Variants in CRYBG1 observed in about 807,000 individuals in gnomAD.
The protein encoded by CRYBG1 is crystallin beta-gamma domain containing 1, also known as beta/gamma crystallin domain-containing protein 1.
A neutral mutation model predicts 189.2 loss-of-function variants in CRYBG1; 139 were observed. That is an observed-to-expected ratio of 0.73 (90% CI 0.64 to 0.85). CRYBG1 has a LOEUF of 0.85. Among genes scored for constraint, CRYBG1 ranks in the 40% least tolerant of loss-of-function variants. The pLI, the probability that CRYBG1 is intolerant of heterozygous loss-of-function variation, is 0.00. For missense variants in CRYBG1, 2,611 were observed against 2,675.8 expected, an observed-to-expected ratio of 0.98 and a Z score of 0.53; for synonymous variants, 1,023 against 1,017.1, an observed-to-expected ratio of 1.01 and a Z score of -0.11.
chr6:106,560,437 C>T (rs572562484), intron 18 of CRYBG1, among the ~76,000 whole-genome samples: 9 of 152,274 alleles, frequency 5.9e-5, no homozygotes, highest in African/African-American at 2.2e-4. Context: ...TTAGCACCTA[C>T]TAAGAGCTTT....
At chr6:106,371,946 A>G (rs1770046560) in intron 1 of CRYBG1, among the ~76,000 whole-genome samples, 1 of 152,200 alleles carries the variant, frequency 6.6e-6, no homozygotes, top group Non-Finnish European at 1.5e-5. Flanking sequence ...CCATGAGGAA[A>G]CAACCAGTCA....
At position 106,503,543 on chromosome 6, in the gene CRYBG1, A is replaced by G. The variant is rs114808723; in HGVS notation, c.313-7887A>G. On this transcript the variant is annotated intron_variant, in intron 2 of 21. Coordinates refer to ENST00000633556, the MANE Select transcript of CRYBG1 (RefSeq NM_001371242.2). Reference sequence around the variant, plus strand: ...ACTGAGCTACCTTTTAGAAAGCCTGACTTATGTCTTAGAAAAAATAATTCG... The same window carrying G: ...ACTGAGCTACCTTTTAGAAAGCCTGGCTTATGTCTTAGAAAAAATAATTCG... Among the ~76,000 whole-genome samples, 287 of 152,364 alleles carry G rather than the reference A, an allele frequency of 1.9e-3. 2 individuals carry two copies. Among genetic ancestry groups the G allele is most frequent in the African/African-American group, 6.8e-3 (281 of 41,588 alleles).
chr6:106,523,731 CTTTTT>C (rs748406134), intron 4 of CRYBG1, among the ~76,000 whole-genome samples: 1 of 137,400 alleles, frequency 7.3e-6, no homozygotes, highest in Non-Finnish European at 1.6e-5. Context: ...CCCTTATGGC[CTTTTT>C]TTTTTTTTTT....
intron 1 of CRYBG1, among the ~76,000 whole-genome samples, chr6:106,399,573 A>G (rs1162493172): frequency 1.3e-5 from 2 of 152,076 alleles, no homozygotes; most frequent in Non-Finnish European, 2.9e-5. Context: ...AACTTGCAGT[A>G]TTCTCTTATG....
intron 20 of CRYBG1, among the ~76,000 whole-genome samples, chr6:106,562,112 AAAAACAAAAC>A (rs983463810): frequency 1.3e-5 from 2 of 152,064 alleles, no homozygotes; most frequent in East Asian, 3.9e-4. Context: ...TTTTCTTTAA[AAAAACAAAAC>A]AAAACAAAAC....
intron 4 of CRYBG1, among the ~76,000 whole-genome samples, chr6:106,522,933 T>G: frequency 6.6e-6 from 1 of 152,184 alleles, no homozygotes; most frequent in East Asian, 1.9e-4. Context: ...CCCTTTATGT[T>G]TAAAAATGAT....
chr6:106,519,007 A>ACACACC lies in CRYBG1; in HGVS notation c.1923-123_1923-122insACACCC, dbSNP rs1554188433. The stretch of plus-strand genomic sequence containing the variant: ...CACACACACATACACACACACACAC[A>ACACACC]CCACACTCCAAATGTTATATATCAG... On this transcript the variant is annotated intron_variant, in intron 3 of 21. Transcript: ENST00000633556. 16 of 1,027,094 alleles carry ACACACC rather than the reference A, an allele frequency of 1.6e-5. No individual in the cohort carries two copies. In the African/African-American group the frequency reaches 2.6e-4, roughly 17 times the overall value. 63.6% of individuals were successfully genotyped at this position (1,027,094 alleles called of 1,614,324 possible).
rs572437549 is a variant in CRYBG1, at chr6:106,378,119, C to T, written c.173+17038C>T. ...AAGGCTTAGGGGAGCCCTGTCACCC[C>T]CCGGTCATCCCTCACACAGCTCTCA... On this transcript the variant is annotated intron_variant, in intron 1 of 21. Transcript: ENST00000633556. Among the ~76,000 whole-genome samples the T allele has an allele frequency of 1.2e-4, 18 of 152,120 alleles. 1 individual carries two copies. Among genetic ancestry groups the T allele is most frequent in the Admixed American group, 5.2e-4 (8 of 15,270 alleles).
rs754546900 is a variant in CRYBG1, at chr6:106,571,972, A to T, written c.*3406A>T. 5.7e-6 allele frequency: 9 copies of T among 1,574,280 alleles called. No individual in the cohort carries two copies. In the South Asian group the frequency reaches 1.0e-4, roughly 18 times the overall value. On this transcript the variant is annotated 3_prime_UTR_variant, in exon 22 of 22. Transcript: ENST00000633556. ...AGGCACTCACCAAATAAGAACGTCA[A>T]CAATCACTAAACTGCATTTTTATTT... is the stretch of plus-strand genomic sequence containing the variant.
chr6:106,514,040 A>G (rs1229209935), intron 3 of CRYBG1, among the ~76,000 whole-genome samples: 2 of 152,242 alleles, frequency 1.3e-5, no homozygotes, highest in Admixed American at 6.5e-5. Flanking sequence ...ATACAAGATG[A>G]TATCTGATGA....
In CRYBG1 at chr6:106,522,027, C is replaced by A. The variant is rs114835781; in HGVS notation, c.4245+574C>A. Among the ~76,000 whole-genome samples, 685 of 152,250 alleles carry A rather than the reference C, an allele frequency of 4.5e-3. 8 individuals are homozygous for A. Among genetic ancestry groups the A allele is most frequent in the African/African-American group, 0.016 (661 of 41,516 alleles). On this transcript the variant is annotated intron_variant, in intron 4 of 21. Coordinates refer to ENST00000633556, the MANE Select transcript of CRYBG1 (RefSeq NM_001371242.2). ...CGATTACAGGTGTGAGCCATCCTGA[C>A]TGGCTGGCAATAAATCTTTTAAGGC... is the stretch of plus-strand genomic sequence containing the variant.
At chr6:106,390,948 AT>A (rs1285710785) in intron 1 of CRYBG1, among the ~76,000 whole-genome samples, 2 of 152,196 alleles carry the variant, frequency 1.3e-5, no homozygotes, top group African/African-American at 2.4e-5. Flanking sequence ...CAGAATTTGA[AT>A]TGCTGGGACA....
chr6:106,395,578 T>C (rs76755731), intron 1 of CRYBG1, among the ~76,000 whole-genome samples: 12,268 of 152,190 alleles, frequency 0.081, 639 homozygotes, highest in East Asian at 0.15. Context: ...TATTTTTGTT[T>C]AATTCTGTTT....
At chr6:106,456,805 C>T (rs1268580681) in intron 2 of CRYBG1, among the ~76,000 whole-genome samples, 1 of 152,160 alleles carries the variant, frequency 6.6e-6, no homozygotes, top group Non-Finnish European at 1.5e-5. Context: ...TAAACCAAAA[C>T]TAAAATATAA....
At chr6:106,567,740 T>G (rs1201289543) in intron 21 of CRYBG1, among the ~76,000 whole-genome samples, 1 of 152,186 alleles carries the variant, frequency 6.6e-6, no homozygotes, top group Non-Finnish European at 1.5e-5. Flanking sequence ...AAAGAAGCCA[T>G]GAGGCTGTTT....
chr6:106,395,522 G>T (rs1770587447), intron 1 of CRYBG1, among the ~76,000 whole-genome samples: 1 of 151,566 alleles, frequency 6.6e-6, no homozygotes. Context: ...ATATCTTCTA[G>T]ATATTGCTTT....
chr6:106,361,051 A>G lies in CRYBG1; in HGVS notation c.143A>G (p.His48Arg), dbSNP rs1771857389. ...APPDCGVFVP[H>R]PLPAPAGEAR... ...CCTGACTGTGGGGTGTTCGTTCCGCACCCGCTCCCGGCGCCTGCCGGAGAG... is the reference window on the plus strand; with the variant it reads ...CCTGACTGTGGGGTGTTCGTTCCGCGCCCGCTCCCGGCGCCTGCCGGAGAG... The change falls in exon 1 of 22, where the codon CAC (histidine) becomes CGC (arginine). Residue 48 changes from histidine (H) to arginine (R), a missense_variant. Physicochemically the swap from His to Arg is conservative, Grantham distance 29. This residue lies in a region of CRYBG1 where 985 missense variants were observed against 924.4 expected (regional missense o/e 1.07). Coordinates refer to ENST00000633556, the MANE Select transcript of CRYBG1 (RefSeq NM_001371242.2). The G allele has an allele frequency of 1.3e-6, 2 of 1,533,846 alleles. No homozygotes were observed. Among genetic ancestry groups the G allele is most frequent in the African/African-American group, 2.8e-5 (2 of 72,658 alleles).
At chr6:106,510,190 C>T (rs957644162) in intron 2 of CRYBG1, among the ~76,000 whole-genome samples, 1 of 152,166 alleles carries the variant, frequency 6.6e-6, no homozygotes, top group African/African-American at 2.4e-5. Context: ...ATACAGTAGC[C>T]GCACGTTTGG....
chr6:106,447,547 A>AATATATATATATATATATATATATAT (rs59943398), intron 1 of CRYBG1, among the ~76,000 whole-genome samples: 150 of 140,962 alleles, frequency 1.1e-3, no homozygotes, highest in East Asian at 5.2e-3. Context: ...GTACCTCATA[A>AATATATATATATATATATATATATAT]ATATATATAT....
Sources: gnomAD v4.1 joint callset for allele counts (sites outside exome capture counted in the v4.1 genomes callset) on GRCh38, gnomAD v4.1.1 for gene constraint, gnomAD v4.1.1 regional missense constraint, MANE v1.5 for transcripts, NCBI Gene and HGNC (gene_info 2026-07-23, HGNC 2026-07-21) for gene names.